CPNE8: variants seen among roughly 807,000 people sequenced by gnomAD.
CPNE8 encodes the protein copine-8.
CPNE8 carries 45 observed loss-of-function variants against 81.5 expected under a neutral mutation model. The observed-to-expected ratio is 0.55, with a 90% CI of 0.44 to 0.71. The LOEUF is 0.71. Among genes scored for constraint, CPNE8 ranks in the 30% least tolerant of loss-of-function variants. The pLI, the probability that CPNE8 is intolerant of heterozygous loss-of-function variation, is 0.00. For synonymous variants in CPNE8, 252 were observed against 226.3 expected (o/e 1.11, Z -1.02); for missense variants, 594 against 672.1 (o/e 0.88, Z 1.28).
chr12:38,661,432 G>T (rs1173057426), intron 19 of CPNE8, among the ~76,000 whole-genome samples: 1 of 152,058 alleles, frequency 6.6e-6, no homozygotes, highest in Non-Finnish European at 1.5e-5. Flanking sequence ...CACAGGGTGG[G>T]GAACATCACA....
chr12:38,700,764 G>C (rs1396039184), intron 14 of CPNE8, among the ~76,000 whole-genome samples: 2 of 152,104 alleles, frequency 1.3e-5, no homozygotes, highest in African/African-American at 4.8e-5. Flanking sequence ...GAATCATGGA[G>C]GTGGGTCTTT....
chr12:38,751,244 C>G (rs1249738524), intron 10 of CPNE8, among the ~76,000 whole-genome samples: 1 of 152,114 alleles, frequency 6.6e-6, no homozygotes, highest in Non-Finnish European at 1.5e-5. Context: ...CAGACTAATA[C>G]AGTAAATTCT....
At chr12:38,795,779 T>G (rs1194313582) in intron 6 of CPNE8, among the ~76,000 whole-genome samples, 1 of 152,134 alleles carries the variant, frequency 6.6e-6, no homozygotes, top group Admixed American at 6.6e-5. Context: ...GAAAAAGTTC[T>G]AGAGATCTGT....
rs1037291393 is a variant in CPNE8 at position 38,876,837 on chromosome 12, G to A, written c.99-2326C>T. On this transcript the variant is annotated intron_variant, in intron 1 of 19. Transcript: ENST00000331366. ...GTTGGAAAAGGAAAATATTCTTAGTGATGTATACACTGCAAAAGACCAGTG... is the reference window on the plus strand; with the variant it reads ...GTTGGAAAAGGAAAATATTCTTAGTAATGTATACACTGCAAAAGACCAGTG... 3.3e-5 allele frequency among the ~76,000 whole-genome samples: 5 copies of A among 152,180 alleles called. No homozygotes were observed. The South Asian group carries it at 8.3e-4, about 25-fold the overall frequency.
At chr12:38,781,121 T>C (rs1196905190) in intron 6 of CPNE8, among the ~76,000 whole-genome samples, 1 of 152,036 alleles carries the variant, frequency 6.6e-6, no homozygotes, top group Non-Finnish European at 1.5e-5. Flanking sequence ...TGAGTAAATA[T>C]GTTTAAAAAC....
chr12:38,788,767 G>C (rs1942258001), intron 6 of CPNE8, among the ~76,000 whole-genome samples: 1 of 151,598 alleles, frequency 6.6e-6, no homozygotes. Context: ...GTAAATTGAA[G>C]GATATAAAAT....
At chr12:38,677,336 C>A in intron 17 of CPNE8, 116 bp downstream of exon 17, 1 of 638,554 alleles carries the variant, frequency 1.6e-6, no homozygotes, top group South Asian at 1.9e-5. Context: ...AGGATGCAAT[C>A]TGCTGCAAAG....
chr12:38,848,738 C>A, intron 3 of CPNE8, 76 bp from the exon 4 acceptor site: 2 of 1,418,122 alleles, frequency 1.4e-6, no homozygotes, highest in Non-Finnish European at 1.8e-6. Context: ...TAATATCACA[C>A]AGTTCTTTTA....
intron 6 of CPNE8, among the ~76,000 whole-genome samples, chr12:38,801,905 C>A (rs1210517880): frequency 1.1e-5 from 1 of 89,310 alleles, no homozygotes; most frequent in Non-Finnish European, 2.3e-5. Context: ...TCAAAAGAGA[C>A]AAAGAAGCCC....
chr12:38,655,071 T>C (rs1038153204), intron 19 of CPNE8, among the ~76,000 whole-genome samples: 44 of 152,176 alleles, frequency 2.9e-4, no homozygotes, highest in Non-Finnish European at 5.9e-5. Context: ...TTTGGGTATA[T>C]TTCTTATGGA....
intron 13 of CPNE8, among the ~76,000 whole-genome samples, chr12:38,717,387 C>T (rs762636103): frequency 8.6e-4 from 116 of 135,488 alleles, no homozygotes; most frequent in Non-Finnish European, 1.4e-3. Context: ...TGTAACCAAC[C>T]TATGTGCCCA....
intron 13 of CPNE8, among the ~76,000 whole-genome samples, chr12:38,704,826 G>GTATATATATGTGTATATATATA (rs58878926): frequency 0.027 from 1,347 of 49,974 alleles, 246 homozygotes; most frequent in Middle Eastern, 0.16. Flanking sequence ...GTATGTATGT[G>GTATATATATGTGTATATATATA]TATATATATA....
At chr12:38,682,925 T>A (rs146364534) in intron 16 of CPNE8, among the ~76,000 whole-genome samples, 3 of 152,216 alleles carry the variant, frequency 2.0e-5, no homozygotes, top group Non-Finnish European at 4.4e-5. Context: ...CATCAACAGA[T>A]GTTGAGTAGG....
chr12:38,717,022 C>T (rs1401203773), intron 13 of CPNE8, among the ~76,000 whole-genome samples: 1 of 151,880 alleles, frequency 6.6e-6, no homozygotes, highest in African/African-American at 2.4e-5. Context: ...AAACAGCCAA[C>T]AAACATATGA....
At chr12:38,694,276 A>G (rs982970435) in intron 14 of CPNE8, among the ~76,000 whole-genome samples, 2 of 152,186 alleles carry the variant, frequency 1.3e-5, no homozygotes, top group Non-Finnish European at 2.9e-5. Flanking sequence ...AAATAACTGA[A>G]TATTTGAGAA....
intron 13 of CPNE8, among the ~76,000 whole-genome samples, chr12:38,711,638 G>C (rs1298604049): frequency 6.6e-6 from 1 of 151,844 alleles, no homozygotes; most frequent in Non-Finnish European, 1.5e-5. Flanking sequence ...CCAGATAACT[G>C]TTGTATTTGT....
intron 7 of CPNE8, among the ~76,000 whole-genome samples, chr12:38,773,092 T>C (rs1351500010): frequency 6.6e-6 from 1 of 152,004 alleles, no homozygotes; most frequent in Admixed American, 6.6e-5. Flanking sequence ...GTAACTTACA[T>C]GAGGATTCTA....
chr12:38,720,554 C>G (rs1301020961), intron 13 of CPNE8: 1 of 152,078 alleles, frequency 6.6e-6, no homozygotes, highest in African/African-American at 2.4e-5. Context: ...CATTTCAATA[C>G]CACAAATCAG....
intron 6 of CPNE8, among the ~76,000 whole-genome samples, chr12:38,806,200 C>G (rs947533199): frequency 6.7e-6 from 1 of 150,278 alleles, no homozygotes; most frequent in Non-Finnish European, 1.5e-5. Flanking sequence ...AGCATTCCTT[C>G]TGAAACTATT....
Sources: gnomAD v4.1 joint callset for allele counts (sites outside exome capture counted in the v4.1 genomes callset) on GRCh38, gnomAD v4.1.1 for gene constraint, MANE v1.5 for transcripts, NCBI Gene and HGNC (gene_info 2026-07-23, HGNC 2026-07-21) for gene names.